Variants in TBC1D5 observed in about 807,000 individuals in gnomAD.
TBC1D5 encodes TBC1 domain family member 5.
TBC1D5 carries 75 observed loss-of-function variants against 100.3 expected under a neutral mutation model. The observed-to-expected ratio is 0.75, with a 90% confidence interval of 0.62 to 0.91. TBC1D5 has a LOEUF of 0.91. Among genes scored for constraint, TBC1D5 ranks in the 40% least tolerant of loss-of-function variants. The probability of loss-of-function intolerance (pLI) is 0.00; values close to 1 mark genes in which losing one functional copy is unlikely to be tolerated. For synonymous variants in TBC1D5, 323 were observed against 325.6 expected, an observed-to-expected ratio of 0.99 and a Z score of 0.09; for missense variants, 910 against 942.4, an observed-to-expected ratio of 0.97 and a Z score of 0.45.
At chr3:17,261,962 A>G (rs998878164) in intron 15 of TBC1D5, among the ~76,000 whole-genome samples, 5 of 152,024 alleles carry the variant, frequency 3.3e-5, no homozygotes, top group African/African-American at 7.3e-5. Context: ...GTAAAACTCT[A>G]TATGTAAGAA....
intron 3 of TBC1D5, among the ~76,000 whole-genome samples, chr3:17,507,179 G>T (rs1264604911): frequency 6.6e-6 from 1 of 152,102 alleles, no homozygotes; most frequent in East Asian, 1.9e-4. Flanking sequence ...AAAATAATTT[G>T]ATTTATTTAA....
intron 2 of TBC1D5, among the ~76,000 whole-genome samples, chr3:17,603,726 C>T (rs945396358): frequency 1.1e-4 from 17 of 152,042 alleles, no homozygotes; most frequent in African/African-American, 3.1e-4. Flanking sequence ...AGTGCAGTGG[C>T]GCAATCTCGG....
intron 2 of TBC1D5, among the ~76,000 whole-genome samples, chr3:17,510,268 T>G (rs571610465): frequency 6.6e-6 from 1 of 152,180 alleles, no homozygotes; most frequent in East Asian, 1.9e-4. Flanking sequence ...ATTTACTTTC[T>G]CTGTAAAACC....
At chr3:17,446,885 G>A (rs540400728) in intron 3 of TBC1D5, among the ~76,000 whole-genome samples, 2 of 151,986 alleles carry the variant, frequency 1.3e-5, no homozygotes, top group Non-Finnish European at 2.9e-5. Flanking sequence ...GCAGGAGAAT[G>A]GCGTGAACCT....
intron 3 of TBC1D5, among the ~76,000 whole-genome samples, chr3:17,475,181 C>T (rs548876695): frequency 4.6e-5 from 7 of 151,708 alleles, no homozygotes; most frequent in Admixed American, 4.6e-4. Context: ...CTTGCCCCGC[C>T]CCACCCGTTT....
intron 1 of TBC1D5, among the ~76,000 whole-genome samples, chr3:17,664,753 G>A (rs1340928156): frequency 6.6e-6 from 1 of 152,140 alleles, no homozygotes; most frequent in Non-Finnish European, 1.5e-5. Flanking sequence ...CACTACCACT[G>A]TACCAGTTAA....
chr3:17,737,771 T>C (rs1407731650), intron 1 of TBC1D5, among the ~76,000 whole-genome samples: 1 of 151,110 alleles, frequency 6.6e-6, no homozygotes, highest in African/African-American at 2.4e-5. Flanking sequence ...AAAACTATGA[T>C]AACATGTAAT....
intron 1 of TBC1D5, among the ~76,000 whole-genome samples, chr3:17,717,139 ATT>A (rs2075307854): frequency 6.6e-6 from 1 of 152,096 alleles, no homozygotes; most frequent in Non-Finnish European, 1.5e-5. Context: ...TACAAGTAAA[ATT>A]TCAGATCAGT....
At chr3:17,249,699 T>C (rs1202251131) in intron 16 of TBC1D5, among the ~76,000 whole-genome samples, 1 of 152,228 alleles carries the variant, frequency 6.6e-6, no homozygotes, top group African/African-American at 2.4e-5. Context: ...CCTCAGGTAT[T>C]TCTTTATAGC....
intron 15 of TBC1D5, among the ~76,000 whole-genome samples, chr3:17,269,519 T>C (rs1265793978): frequency 6.6e-6 from 1 of 152,078 alleles, no homozygotes; most frequent in Non-Finnish European, 1.5e-5. Flanking sequence ...ATTCATGGGG[T>C]ACATGTACAG....
intron 13 of TBC1D5, among the ~76,000 whole-genome samples, chr3:17,370,132 C>T (rs1251044257): frequency 1.3e-5 from 2 of 152,108 alleles, no homozygotes; most frequent in African/African-American, 4.8e-5. Context: ...CTGAAGGAAA[C>T]TAACATCTGA....
chr3:17,515,976 G>T (rs951640406), intron 2 of TBC1D5, among the ~76,000 whole-genome samples: 1 of 152,206 alleles, frequency 6.6e-6, no homozygotes, highest in Non-Finnish European at 1.5e-5. Flanking sequence ...AAATGCTACA[G>T]ATTCACATTG....
intron 2 of TBC1D5, among the ~76,000 whole-genome samples, chr3:17,516,382 TAAAG>T (rs1373382180): frequency 2.6e-5 from 4 of 152,150 alleles, no homozygotes; most frequent in Non-Finnish European, 5.9e-5. Context: ...TAAATTTATT[TAAAG>T]AAAGAAAGAA....
At chr3:17,374,123 C>T (rs775634463) in intron 12 of TBC1D5, among the ~76,000 whole-genome samples, 2 of 151,932 alleles carry the variant, frequency 1.3e-5, no homozygotes, top group Non-Finnish European at 2.9e-5. Flanking sequence ...AGCAAAACAA[C>T]CTATTTGACA....
At chr3:17,306,624 T>C (rs767270825) in intron 14 of TBC1D5, among the ~76,000 whole-genome samples, 4 of 152,134 alleles carry the variant, frequency 2.6e-5, no homozygotes, top group Non-Finnish European at 5.9e-5. Context: ...TAAAAATATA[T>C]AGTGGTAATG....
intron 14 of TBC1D5, among the ~76,000 whole-genome samples, chr3:17,301,865 G>A (rs928723436): frequency 5.3e-5 from 8 of 152,178 alleles, no homozygotes; most frequent in African/African-American, 1.9e-4. Flanking sequence ...AAAAAATAGT[G>A]TGGTGGGGGT....
intron 1 of TBC1D5, among the ~76,000 whole-genome samples, chr3:17,668,172 GAT>G (rs372133915): frequency 1.4e-5 from 2 of 145,868 alleles, no homozygotes; most frequent in Non-Finnish European, 3.0e-5. Context: ...ATATATTTAA[GAT>G]ATATATATAT....
At chr3:17,709,029 T>C (rs192089714) in intron 1 of TBC1D5, among the ~76,000 whole-genome samples, 1 of 152,358 alleles carries the variant, frequency 6.6e-6, no homozygotes, top group Non-Finnish European at 1.5e-5. Context: ...GCCTTTGTTC[T>C]GTTAGGCCCT....
intron 2 of TBC1D5, chr3:17,586,433 A>C (rs1400832830): frequency 6.6e-6 from 1 of 152,148 alleles, no homozygotes; most frequent in African/African-American, 2.4e-5. Context: ...AAAATGACTT[A>C]GGCTCAGTAC....
Sources: allele counts gnomAD v4.1 joint callset (sites outside exome capture counted in the v4.1 genomes callset), GRCh38; gene constraint gnomAD v4.1.1; transcripts MANE v1.5; gene names NCBI Gene and HGNC (gene_info 2026-07-23, HGNC 2026-07-21).